LHCGR: variants seen among roughly 807,000 people sequenced by gnomAD.
The protein encoded by LHCGR is luteinizing hormone/choriogonadotropin receptor, also known as lutropin-choriogonadotropic hormone receptor.
Under a neutral mutation model 60.7 loss-of-function variants are expected in LHCGR, and 55 were observed. That is an observed-to-expected ratio of 0.91 (90% confidence interval 0.73 to 1.13). The LOEUF is 1.13. Among genes scored for constraint, LHCGR ranks in the 50% most tolerant of loss-of-function variants. LHCGR has a pLI of 0.00. For synonymous variants in LHCGR, 337 were observed against 316.5 expected, an observed-to-expected ratio of 1.06 and a Z score of -0.69; for missense variants, 862 against 836.0, an observed-to-expected ratio of 1.03 and a Z score of -0.38.
At chr2:48,703,743 C>G (rs746579263) in intron 8 of LHCGR, among the ~76,000 whole-genome samples, 1 of 152,110 alleles carries the variant, frequency 6.6e-6, no homozygotes, top group African/African-American at 2.4e-5. Flanking sequence ...ATCTTGTATC[C>G]CAAGACTTCG....
chr2:48,718,505 G>A (rs1489499279), intron 6 of LHCGR, among the ~76,000 whole-genome samples: 2 of 152,140 alleles, frequency 1.3e-5, no homozygotes, highest in African/African-American at 4.8e-5. Context: ...CTTAATTTAT[G>A]TTTACAGATA....
chr2:48,727,988 G>A (rs1269737488), intron 3 of LHCGR, among the ~76,000 whole-genome samples: 2 of 152,152 alleles, frequency 1.3e-5, no homozygotes, highest in Non-Finnish European at 2.9e-5. Context: ...ATGGTCTAAA[G>A]CAAGCTTGTC....
intron 2 of LHCGR, 112 bp from the exon 3 acceptor site, chr2:48,729,339 C>G (rs1668884554): frequency 1.2e-6 from 1 of 819,842 alleles, no homozygotes; most frequent in East Asian, 2.5e-5. Context: ...ACTGTGTCCC[C>G]CTGAAAAGAA....
chr2:48,694,771 T>A (rs1253372626), intron 9 of LHCGR, among the ~76,000 whole-genome samples: 2 of 152,112 alleles, frequency 1.3e-5, no homozygotes, highest in Non-Finnish European at 2.9e-5. Context: ...TCAGGTTATT[T>A]TTTCTTATGT....
rs1473000962 is a variant in LHCGR at position 48,694,290 on chromosome 2, T to C, written c.881A>G (p.His294Arg). Residue 294 changes from histidine (H) to arginine (R), a missense_variant, in exon 10 of 11, where the codon CAT becomes CGT. By Grantham distance (29) the His-to-Arg change is conservative. Transcript: ENST00000294954. ...TTTGGAAAAGTTTTCAGAAATGGAA[T>C]GTGAAAAATTCTGTCTGAAAGAGAA... ...NLPTKEQNFS[H>R]SISENFSKQC... The C allele has an allele frequency of 6.3e-7, 1 of 1,598,646 alleles. No individual in the cohort carries two copies. The highest frequency in any genetic ancestry group is 1.3e-5 in the African/African-American group (1 of 74,770).
intron 1 of LHCGR, among the ~76,000 whole-genome samples, chr2:48,737,923 T>C (rs1187622504): frequency 6.6e-6 from 1 of 152,194 alleles, no homozygotes; most frequent in Admixed American, 6.5e-5. Flanking sequence ...TGAAACCACA[T>C]GGCAATTCAG....
intron 8 of LHCGR, among the ~76,000 whole-genome samples, chr2:48,702,483 A>G (rs754984639): frequency 2.0e-5 from 3 of 151,192 alleles, no homozygotes; most frequent in Admixed American, 1.3e-4. Flanking sequence ...TCATTGATCA[A>G]CTCCCACTTA....
intron 8 of LHCGR, among the ~76,000 whole-genome samples, chr2:48,702,201 A>C (rs1165671536): frequency 6.6e-6 from 1 of 150,974 alleles, no homozygotes; most frequent in Non-Finnish European, 1.5e-5. Context: ...TGGATGTTTC[A>C]TGTTGGATGT....
chr2:48,718,933 G>C (rs1196518647), intron 6 of LHCGR, among the ~76,000 whole-genome samples: 2 of 152,104 alleles, frequency 1.3e-5, no homozygotes, highest in African/African-American at 4.8e-5. Context: ...GAGTTTTCAT[G>C]TTTCCTTCTA....
chr2:48,743,845 G>T (rs1045121515), intron 1 of LHCGR, among the ~76,000 whole-genome samples: 57 of 152,112 alleles, frequency 3.7e-4, no homozygotes, highest in African/African-American at 1.3e-3. Context: ...TCTGGCCAGG[G>T]CAATTAGGCA....
rs757050212 is a variant in LHCGR, at chr2:48,688,574, A to G, written c.1223T>C (p.Met408Thr). 7 of 1,614,126 alleles carry G rather than the reference A, an allele frequency of 4.3e-6. No homozygotes were observed. The highest frequency in any genetic ancestry group is 3.4e-6 in the Non-Finnish European group (4 of 1,180,056). Residue 408 changes from methionine (M) to threonine (T), a missense_variant, in exon 11 of 11, where the codon ATG (methionine) becomes ACG (threonine). Physicochemically the swap from Met to Thr is moderately conservative, Grantham distance 81. Coordinates refer to ENST00000294954, the MANE Select transcript of LHCGR (RefSeq NM_000233.4). This position sits in a 1 kb window ranked among gnomAD's most constrained non-coding sequence, Gnocchi z 5.2. ...GGCTATGAGCAGCAGATAGAGCCCC[A>G]TGCAAAAGTCTGCAAAGGAGAGATT... ...MCNLSFADFCMGLYLLLIASV... is the reference protein window; with the variant it reads ...MCNLSFADFCTGLYLLLIASV...
rs1218907777 is a variant in LHCGR, at chr2:48,694,323, A to T, written c.867-19T>A. 1 of 1,524,784 alleles carries T rather than the reference A, an allele frequency of 6.6e-7. No homozygotes were observed. Among genetic ancestry groups the T allele is most frequent in the South Asian group, 1.1e-5 (1 of 87,086 alleles). 94.5% of individuals were successfully genotyped at this position (1,524,784 alleles called of 1,614,324 possible). ...ATTCTGTCTGAAAGAGAAGAGGTTAAAAAAAGCATTTGAGCTTTTGGACTT... is the reference window on the plus strand; with the variant it reads ...ATTCTGTCTGAAAGAGAAGAGGTTATAAAAAGCATTTGAGCTTTTGGACTT... On this transcript the variant is annotated intron_variant, in intron 9 of 10. Coordinates refer to ENST00000294954, the MANE Select transcript of LHCGR (RefSeq NM_000233.4).
Position 48,739,215 on chromosome 2 carries a change from G to C in LHCGR, c.162-7917C>G, listed in dbSNP as rs567745290. 5.9e-5 allele frequency among the ~76,000 whole-genome samples: 9 copies of C among 152,344 alleles called. No individual in the cohort carries two copies. The East Asian group carries it at 1.7e-3, about 29-fold the overall frequency. On this transcript the variant is annotated intron_variant, in intron 1 of 10. Transcript: ENST00000294954. Reference sequence around the variant, plus strand: ...AGGAACACTTTTACACTGTTGGTGGGACTGTGAACTAGTTCAACCATTGTG... The same window carrying C: ...AGGAACACTTTTACACTGTTGGTGGCACTGTGAACTAGTTCAACCATTGTG...
chr2:48,713,154 G>T (rs1314368878), intron 7 of LHCGR, among the ~76,000 whole-genome samples: 1 of 152,206 alleles, frequency 6.6e-6, no homozygotes, highest in Admixed American at 6.5e-5. Flanking sequence ...ACAATCTGCA[G>T]ATTCTTCGTA....
chr2:48,740,497 G>A (rs1669397269), intron 1 of LHCGR, among the ~76,000 whole-genome samples: 1 of 152,180 alleles, frequency 6.6e-6, no homozygotes, highest in East Asian at 1.9e-4. Context: ...GGAGATCTGA[G>A]AACAGGCAGA....
intron 10 of LHCGR, among the ~76,000 whole-genome samples, chr2:48,692,707 A>C (rs1338299141): frequency 6.6e-6 from 1 of 152,242 alleles, no homozygotes; most frequent in African/African-American, 2.4e-5. Flanking sequence ...AGGGCCAACC[A>C]TAGAGGTAAG....
rs1359868306 is a variant in LHCGR at position 48,725,658 on chromosome 2, A to G, written c.383+18T>C. ...CCATCTTCCCCTCCCCAATTGCTTAAAAAGGAAAATTTCTCACAAGTATTT... is the reference window on the plus strand; with the variant it reads ...CCATCTTCCCCTCCCCAATTGCTTAGAAAGGAAAATTTCTCACAAGTATTT... On this transcript the variant is annotated intron_variant, in intron 4 of 10. Transcript: ENST00000294954. 2 of 1,593,794 alleles carry G rather than the reference A, an allele frequency of 1.3e-6. No homozygotes were observed. The highest frequency in any genetic ancestry group is 1.7e-4 in the Middle Eastern group (1 of 6,028).
chr2:48,713,580 T>A (rs751310875), intron 7 of LHCGR, among the ~76,000 whole-genome samples: 7 of 152,090 alleles, frequency 4.6e-5, no homozygotes, highest in Admixed American at 2.0e-4. Flanking sequence ...TCTGAGTGGG[T>A]CTGTTGTGGC....
chr2:48,753,906 T>G (rs1437199967), intron 1 of LHCGR, among the ~76,000 whole-genome samples: 1 of 152,170 alleles, frequency 6.6e-6, no homozygotes, highest in Non-Finnish European at 1.5e-5. Context: ...AATCCTGAAT[T>G]GCTATTCAAT....
Sources: allele counts gnomAD v4.1 joint callset (sites outside exome capture counted in the v4.1 genomes callset), GRCh38; gene constraint gnomAD v4.1.1; non-coding constraint Gnocchi (gnomAD v3.1); transcripts MANE v1.5; gene names NCBI Gene and HGNC (gene_info 2026-07-23, HGNC 2026-07-21).